The following LHPP variants were observed in gnomAD, a reference collection of about 807,000 sequenced individuals.
The protein encoded by LHPP is phospholysine phosphohistidine inorganic pyrophosphate phosphatase.
In LHPP, 24 loss-of-function variants were observed where a neutral mutation model predicts 30.3. That is an observed-to-expected ratio of 0.79 (90% CI 0.57 to 1.11). LHPP has a LOEUF of 1.11. Among genes scored for constraint, LHPP ranks in the 50% most tolerant of loss-of-function variants. The pLI is 0.00. For synonymous variants in LHPP, 150 were observed against 157.1 expected (o/e 0.95, Z 0.34); for missense variants, 356 against 367.2 (o/e 0.97, Z 0.25).
At chr10:124,570,935 A>G (rs1229472240) in intron 6 of LHPP, among the ~76,000 whole-genome samples, 1 of 152,186 alleles carries the variant, frequency 6.6e-6, no homozygotes, top group Non-Finnish European at 1.5e-5. Context: ...CTCGTCTCGA[A>G]TTCCCATGTG....
chr10:124,497,247 T>G (rs1953746613), intron 4 of LHPP, among the ~76,000 whole-genome samples: 1 of 16,182 alleles, frequency 6.2e-5, no homozygotes. Flanking sequence ...ATCCTTCCCA[T>G]CCTCCCCATC....
chr10:124,604,249 C>T lies in LHPP; in HGVS notation c.717-9015C>T, dbSNP rs565502467. On this transcript the variant is annotated intron_variant, in intron 6 of 6. Coordinates refer to ENST00000368842, the MANE Select transcript of LHPP (RefSeq NM_022126.4). ...TCTGTGGCCATCTCCACTCCGCCAC[C>T]CAGCTACCCCGTAAGGAGGCCACCG... 2.6e-5 allele frequency among the ~76,000 whole-genome samples: 4 copies of T among 152,312 alleles called. No individual in the cohort carries two copies. The East Asian group carries it at 5.8e-4, about 22-fold the overall frequency.
At chr10:124,499,682 C>G (rs1953845566) in intron 5 of LHPP, among the ~76,000 whole-genome samples, 1 of 151,742 alleles carries the variant, frequency 6.6e-6, no homozygotes, top group African/African-American at 2.4e-5. Flanking sequence ...AAACAGAGTC[C>G]ACAGCTGCCC....
At chr10:124,572,322 G>A (rs1380680303) in intron 6 of LHPP, among the ~76,000 whole-genome samples, 2 of 152,078 alleles carry the variant, frequency 1.3e-5, no homozygotes, top group African/African-American at 4.8e-5. Flanking sequence ...AAGTGTACAT[G>A]CTGCAAAGAA....
At chr10:124,611,571 AC>A (rs1033832037) in intron 6 of LHPP, among the ~76,000 whole-genome samples, 4 of 150,920 alleles carry the variant, frequency 2.7e-5, no homozygotes, top group Non-Finnish European at 5.9e-5. Flanking sequence ...CAAAAGGTAT[AC>A]CCTCACAGTC....
At chr10:124,549,299 G>A (rs1004486425) in intron 6 of LHPP, among the ~76,000 whole-genome samples, 2 of 152,062 alleles carry the variant, frequency 1.3e-5, no homozygotes, top group African/African-American at 2.4e-5. Context: ...AGGGCATGAC[G>A]GTGTACACCT....
At chr10:124,589,603 T>TA (rs1334857601) in intron 6 of LHPP, among the ~76,000 whole-genome samples, 2 of 152,132 alleles carry the variant, frequency 1.3e-5, no homozygotes, top group Non-Finnish European at 2.9e-5. Context: ...AGTGCACAGG[T>TA]CCCAGTGTGC....
chr10:124,519,305 A>G (rs542783512), intron 6 of LHPP, among the ~76,000 whole-genome samples: 7 of 152,246 alleles, frequency 4.6e-5, no homozygotes, highest in Non-Finnish European at 1.0e-4. Context: ...CCTTCTCTGC[A>G]TAGATAAACA....
At chr10:124,531,601 G>A (rs747084486) in intron 6 of LHPP, among the ~76,000 whole-genome samples, 2 of 152,172 alleles carry the variant, frequency 1.3e-5, no homozygotes, top group South Asian at 2.1e-4. Flanking sequence ...TGAAGATTAC[G>A]AGACAGTCAT....
intron 6 of LHPP, among the ~76,000 whole-genome samples, chr10:124,528,992 C>T (rs1030966120): frequency 3.4e-4 from 51 of 150,612 alleles, no homozygotes; most frequent in African/African-American, 1.1e-3. Flanking sequence ...ATGGCACAAT[C>T]GCCCCTGCCC....
intron 6 of LHPP, among the ~76,000 whole-genome samples, chr10:124,531,957 G>C (rs1366586790): frequency 6.6e-6 from 1 of 152,168 alleles, no homozygotes; most frequent in African/African-American, 2.4e-5. Context: ...TTACTTTAAG[G>C]AAAGATGTTC....
chr10:124,537,857 G>A (rs530345034), intron 6 of LHPP, among the ~76,000 whole-genome samples: 3 of 152,368 alleles, frequency 2.0e-5, no homozygotes, highest in African/African-American at 7.2e-5. Context: ...TTATGAATGT[G>A]TGTGGGTCTG....
At chr10:124,495,233 T>C (rs1215116693) in intron 3 of LHPP, among the ~76,000 whole-genome samples, 3 of 151,976 alleles carry the variant, frequency 2.0e-5, no homozygotes, top group Admixed American at 2.0e-4. Context: ...CCAGCCTGTA[T>C]CCCTGTGCCG....
chr10:124,462,875 T>G (rs1260806416), intron 1 of LHPP, among the ~76,000 whole-genome samples: 1 of 152,192 alleles, frequency 6.6e-6, no homozygotes, highest in Non-Finnish European at 1.5e-5. Flanking sequence ...TTTTTTTATT[T>G]GTTTTGTTTG....
rs368950762 is a variant in LHPP at position 124,560,763 on chromosome 10, C to T, written c.716+43492C>T. ...CCGGAGGAGCCCCTCTAGGGCTCTC[C>T]GGGGTCTTCTGCAGAGCGAACACTT... On this transcript the variant is annotated intron_variant, in intron 6 of 6. Coordinates refer to ENST00000368842, the MANE Select transcript of LHPP (RefSeq NM_022126.4). Among the ~76,000 whole-genome samples, 68 of 152,292 alleles carry T rather than the reference C, an allele frequency of 4.5e-4. 1 individual carries two copies. In the South Asian group the frequency reaches 9.9e-3, roughly 22 times the overall value.
At chr10:124,469,320 C>T (rs1240020506) in intron 1 of LHPP, among the ~76,000 whole-genome samples, 1 of 152,070 alleles carries the variant, frequency 6.6e-6, no homozygotes, top group Non-Finnish European at 1.5e-5. Context: ...TGTCACCATT[C>T]TTCTTCTTGG....
chr10:124,603,367 G>A (rs1488548788), intron 6 of LHPP, among the ~76,000 whole-genome samples: 1 of 152,106 alleles, frequency 6.6e-6, no homozygotes, highest in African/African-American at 2.4e-5. Flanking sequence ...ATGGCCAAAC[G>A]GATGGGGGAC....
intron 6 of LHPP, chr10:124,546,010 G>C (rs1955330039): frequency 6.6e-6 from 1 of 152,470 alleles, no homozygotes; most frequent in Non-Finnish European, 1.5e-5. Context: ...CTGGGATGCT[G>C]TCCTCCCTCC....
At chr10:124,581,869 C>T (rs1191863097) in intron 6 of LHPP, among the ~76,000 whole-genome samples, 1 of 150,954 alleles carries the variant, frequency 6.6e-6, no homozygotes, top group Non-Finnish European at 1.5e-5. Context: ...GCAAGCTCCG[C>T]CTCCTGGGTT....
Sources: gnomAD v4.1 joint callset for allele counts (sites outside exome capture counted in the v4.1 genomes callset) on GRCh38, gnomAD v4.1.1 for gene constraint, MANE v1.5 for transcripts, NCBI Gene and HGNC (gene_info 2026-07-23, HGNC 2026-07-21) for gene names.